The following ADCY10 variants were observed in gnomAD, a reference collection of about 807,000 sequenced individuals.
ADCY10 encodes the protein adenylate cyclase type 10.
ADCY10 carries 156 observed loss-of-function variants against 183.3 expected under a neutral mutation model. The ratio of observed to expected loss-of-function variants is 0.85; its 90% CI spans 0.75 to 0.97. ADCY10 has a LOEUF of 0.97. Among genes scored for constraint, ADCY10 ranks in the 50% least tolerant of loss-of-function variants. The pLI is 0.00. For synonymous variants in ADCY10, 645 were observed against 670.0 expected (o/e 0.96, Z 0.58); for missense variants, 1,745 against 1,934.3 (o/e 0.90, Z 1.84).
intron 13 of ADCY10, among the ~76,000 whole-genome samples, chr1:167,874,026 A>T (rs1667278583): frequency 6.6e-6 from 1 of 152,202 alleles, no homozygotes; most frequent in Non-Finnish European, 1.5e-5. Flanking sequence ...GAAAAATTGT[A>T]CAGGTACTTT....
At chr1:167,894,508 A>T (rs559015581) in intron 7 of ADCY10, among the ~76,000 whole-genome samples, 2 of 152,246 alleles carry the variant, frequency 1.3e-5, no homozygotes, top group South Asian at 4.1e-4. Context: ...TTTATGCTCT[A>T]GGATAGACTG....
intron 1 of ADCY10, among the ~76,000 whole-genome samples, chr1:167,908,592 G>A (rs781126969): frequency 9.9e-5 from 15 of 152,082 alleles, no homozygotes; most frequent in Non-Finnish European, 1.9e-4. Context: ...GAGATGATAC[G>A]TTAATTACCT....
At chr1:167,838,114 C>T (rs984378826) in intron 21 of ADCY10, among the ~76,000 whole-genome samples, 3 of 152,228 alleles carry the variant, frequency 2.0e-5, no homozygotes, top group Admixed American at 6.5e-5. Context: ...TTACTCCATA[C>T]ATCTTATAGA....
At chr1:167,811,404 T>C (rs1408603716) in intron 31 of ADCY10, among the ~76,000 whole-genome samples, 1 of 151,988 alleles carries the variant, frequency 6.6e-6, no homozygotes, top group African/African-American at 2.4e-5. Context: ...CTGGCCAACA[T>C]GGTGAAACTC....
chr1:167,893,063 A>G (rs1488203738), intron 8 of ADCY10, among the ~76,000 whole-genome samples: 2 of 152,228 alleles, frequency 1.3e-5, no homozygotes, highest in Non-Finnish European at 2.9e-5. Flanking sequence ...TTCACATGGA[A>G]TAATAAATTT....
intron 11 of ADCY10, 75 bp downstream of exon 11, chr1:167,880,040 C>T: frequency 7.6e-7 from 1 of 1,311,368 alleles, no homozygotes; most frequent in Non-Finnish European, 1.1e-6. Context: ...CATTTTTGTG[C>T]TTCCTCCCGC....
At chr1:167,869,939 T>C (rs1666979622) in intron 14 of ADCY10, among the ~76,000 whole-genome samples, 5 of 152,370 alleles carry the variant, frequency 3.3e-5, no homozygotes, top group Middle Eastern at 3.4e-3. Context: ...GTGTTTGTTC[T>C]GCAGACCAAA....
Position 167,833,968 on chromosome 1 carries a change from A to C in ADCY10, c.3417+2T>G. 11 of 1,611,218 alleles carry C rather than the reference A, an allele frequency of 6.8e-6. No homozygotes were observed. Among genetic ancestry groups the C allele is most frequent in the Non-Finnish European group, 9.3e-6 (11 of 1,177,462 alleles). ...AAATTCAAGTCTTTAATGGTTTCTT[A>C]CCTCACCTTTGAGGCTGTAAAAGGT... On this transcript the variant is annotated splice_donor_variant, in intron 24 of 32. Transcript: ENST00000367851. LOFTEE classifies it high-confidence loss of function.
intron 21 of ADCY10, among the ~76,000 whole-genome samples, chr1:167,843,376 A>G (rs1461301002): frequency 6.6e-6 from 1 of 152,128 alleles, no homozygotes; most frequent in Non-Finnish European, 1.5e-5. Flanking sequence ...GTGTATATGT[A>G]TGACTCACTG....
In ADCY10 at chr1:167,896,754, A is replaced by G. The variant is rs923160500; in HGVS notation, c.643-63T>C. Reference sequence around the variant, plus strand: ...AGAACTGTTTAATCCTTTGAAGTGTAATTTCTTAGCAGAAAGAGAGTATGC... The same window carrying G: ...AGAACTGTTTAATCCTTTGAAGTGTGATTTCTTAGCAGAAAGAGAGTATGC... On this transcript the variant is annotated intron_variant, in intron 6 of 32. Transcript: ENST00000367851. The G allele has an allele frequency of 6.0e-6, 7 of 1,161,140 alleles. No individual in the cohort carries two copies. The African/African-American group carries it at 7.6e-5, about 13-fold the overall frequency. The allele number at this position is 1,161,140 out of a possible 1,614,324, so 71.9% of individuals were successfully genotyped here. A position where few individuals can be genotyped will look rare whatever the true frequency, so the allele number is the denominator to read the frequency against.
chr1:167,888,401 A>C (rs1668370359), intron 8 of ADCY10, among the ~76,000 whole-genome samples: 1 of 152,046 alleles, frequency 6.6e-6, no homozygotes, highest in Non-Finnish European at 1.5e-5. Flanking sequence ...TAAGCATGGA[A>C]TATCTTTCAT....
intron 8 of ADCY10, among the ~76,000 whole-genome samples, chr1:167,888,811 G>A (rs1450574216): frequency 6.7e-6 from 1 of 150,094 alleles, no homozygotes. Context: ...GGGAGGCGGA[G>A]CGTGCAGTGA....
chr1:167,844,445 G>A (rs570526137), intron 21 of ADCY10, among the ~76,000 whole-genome samples: 7 of 152,256 alleles, frequency 4.6e-5, no homozygotes, highest in African/African-American at 1.4e-4. Context: ...CTGTGTCTAC[G>A]AACTTCCTAT....
chr1:167,867,082 T>C (rs1306013541), intron 14 of ADCY10, among the ~76,000 whole-genome samples: 12 of 152,306 alleles, frequency 7.9e-5, no homozygotes, highest in African/African-American at 1.9e-4. Flanking sequence ...CACATAACCA[T>C]TGAAGTTTGC....
intron 2 of ADCY10, chr1:167,904,478 A>AG (rs1669680973): frequency 4.7e-6 from 1 of 213,138 alleles, no homozygotes; most frequent in South Asian, 1.0e-4. Flanking sequence ...CTATTATTTT[A>AG]GGGGTCAGGA....
chr1:167,894,301 A>C (rs1668809197), intron 7 of ADCY10, among the ~76,000 whole-genome samples: 1 of 152,176 alleles, frequency 6.6e-6, no homozygotes, highest in Non-Finnish European at 1.5e-5. Flanking sequence ...GACAGAATGA[A>C]GGGGATGGTA....
intron 13 of ADCY10, among the ~76,000 whole-genome samples, chr1:167,872,485 C>T (rs979235308): frequency 1.3e-5 from 2 of 151,938 alleles, no homozygotes. Flanking sequence ...ATGAGATTGT[C>T]TCCTTAACTT....
intron 1 of ADCY10, among the ~76,000 whole-genome samples, chr1:167,906,509 T>C (rs1230194077): frequency 1.3e-5 from 2 of 151,762 alleles, no homozygotes; most frequent in Admixed American, 6.6e-5. Context: ...TGTGAGATGC[T>C]AGATGCAGTG....
intron 2 of ADCY10, chr1:167,904,650 C>A (rs1669693347): frequency 1.7e-6 from 1 of 582,228 alleles, no homozygotes; most frequent in Non-Finnish European, 3.0e-6. Context: ...TAAACATCAT[C>A]TAGGGAGATC....
Sources: allele counts gnomAD v4.1 joint callset (sites outside exome capture counted in the v4.1 genomes callset), GRCh38; gene constraint gnomAD v4.1.1; transcripts MANE v1.5; gene names NCBI Gene and HGNC (gene_info 2026-07-23, HGNC 2026-07-21).